The following IFT74 variants were observed in gnomAD, a reference collection of about 807,000 sequenced individuals.
IFT74 encodes intraflagellar transport protein 74 homolog.
In IFT74, 92 loss-of-function variants were observed where a neutral mutation model predicts 96.7. That is an observed-to-expected ratio of 0.95 (90% CI 0.80 to 1.13). The LOEUF (loss-of-function observed/expected upper bound fraction) is 1.13. Among genes scored for constraint, IFT74 ranks in the 50% most tolerant of loss-of-function variants. The probability of loss-of-function intolerance (pLI) is 0.00; values close to 1 mark genes in which losing one functional copy is unlikely to be tolerated. For missense variants in IFT74, 811 were observed against 698.2 expected, an observed-to-expected ratio of 1.16 and a Z score of -1.82; for synonymous variants, 223 against 213.2, an observed-to-expected ratio of 1.05 and a Z score of -0.40.
At chr9:27,036,784 C>A (rs1819221516) in intron 13 of IFT74, 1 of 1,127,934 alleles carries the variant, frequency 8.9e-7, no homozygotes, top group Middle Eastern at 3.3e-4. Flanking sequence ...AAATAAAATT[C>A]TTAGATCTTT....
At chr9:27,034,704 A>G (rs1819088151) in intron 13 of IFT74, among the ~76,000 whole-genome samples, 1 of 152,028 alleles carries the variant, frequency 6.6e-6, no homozygotes, top group Non-Finnish European at 1.5e-5. Flanking sequence ...AATTTTTTGT[A>G]TTTTTAGTAG....
At chr9:27,044,582 T>C (rs1390449226) in intron 13 of IFT74, among the ~76,000 whole-genome samples, 160 bp from the exon 14 acceptor site, 1 of 152,226 alleles carries the variant, frequency 6.6e-6, no homozygotes, top group Non-Finnish European at 1.5e-5. Flanking sequence ...ATATGTCTAC[T>C]TGAAAAGTCT....
chr9:27,018,987 TTTGAGACCAGG>T (rs1320050314), intron 12 of IFT74, among the ~76,000 whole-genome samples: 1 of 152,186 alleles, frequency 6.6e-6, no homozygotes, highest in Non-Finnish European at 1.5e-5. Context: ...TTTTTATCTT[TTTGAGACCAGG>T]TCTCATTCTG....
Position 26,984,553 on chromosome 9 carries a change from C to T in IFT74, c.459C>T (p.Tyr153=), listed in dbSNP as rs752539924. The part of the protein sequence containing the change: ...IKELQGQLAD[Y]NMLVDKLNTN... ...AGCTTCAAGGACAACTAGCAGACTACAACATGGTATTTTATCTTTTCTAAG... is the reference window on the plus strand; with the variant it reads ...AGCTTCAAGGACAACTAGCAGACTATAACATGGTATTTTATCTTTTCTAAG... The change falls in exon 6 of 20, where the codon TAC becomes TAT. Residue 153 remains tyrosine, a synonymous_variant. Coordinates refer to ENST00000380062, the MANE Select transcript of IFT74 (RefSeq NM_025103.4). 2 of 1,608,364 alleles carry T rather than the reference C, an allele frequency of 1.2e-6. No individual in the cohort carries two copies. Among genetic ancestry groups the T allele is most frequent in the Admixed American group, 1.7e-5 (1 of 59,890 alleles).
intron 13 of IFT74, among the ~76,000 whole-genome samples, chr9:27,044,136 A>G (rs748929944): frequency 2.0e-5 from 3 of 152,030 alleles, no homozygotes; most frequent in Non-Finnish European, 2.9e-5. Flanking sequence ...ATGCTACCAT[A>G]TTCATCCTCA....
In IFT74 at chr9:26,995,592, A is replaced by T. The variant is rs1342498933; in HGVS notation, c.587+5397A>T. On this transcript the variant is annotated intron_variant, in intron 8 of 19. Transcript: ENST00000380062. ...ATAAATCCATCATCATCTACCACAA[A>T]TGAATGTAATTGTTCAAATATTACT... 3.1e-6 allele frequency: 5 copies of T among 1,604,172 alleles called. No individual in the cohort carries two copies. In the South Asian group the frequency reaches 5.5e-5, roughly 18 times the overall value.
chr9:27,008,863 A>G (rs905030424), intron 8 of IFT74, among the ~76,000 whole-genome samples, 157 bp from the exon 9 acceptor site: 2 of 152,198 alleles, frequency 1.3e-5, no homozygotes, highest in Non-Finnish European at 2.9e-5. Flanking sequence ...TATAGGTCAA[A>G]TAGCATTTTT....
rs375246441 is a variant in IFT74, at chr9:27,010,485, G to GTT, written c.726+1339_726+1340dup. Among the ~76,000 whole-genome samples, 206 of 128,056 alleles carry GTT rather than the reference G, an allele frequency of 1.6e-3. 1 individual carries two copies. The highest frequency in any genetic ancestry group is 2.4e-3 in the Non-Finnish European group (143 of 60,750). 84.0% of individuals were successfully genotyped at this position (128,056 alleles called of 152,430 possible). On this transcript the variant is annotated intron_variant, in intron 9 of 19. Transcript: ENST00000380062. ...ATCATTCTACTACCCCCTTTTTTTT[G>GTT]TTTTTTTTTTTTTGTTTTTTTTGAG...
chr9:26,975,106 G>A (rs1827052214), intron 2 of IFT74, among the ~76,000 whole-genome samples: 1 of 152,152 alleles, frequency 6.6e-6, no homozygotes, highest in Non-Finnish European at 1.5e-5. Flanking sequence ...ACGTGAGCAG[G>A]GAAAGGATCT....
chr9:27,011,861 C>T (rs757867297), intron 9 of IFT74, 45 bp from the exon 10 acceptor site: 2 of 1,326,466 alleles, frequency 1.5e-6, no homozygotes, highest in Non-Finnish European at 2.0e-6. Context: ...ACAAATTATT[C>T]TTAATGTAAT....
chr9:26,995,922 C>T (rs944474266), intron 8 of IFT74: 1 of 1,019,168 alleles, frequency 9.8e-7, no homozygotes, highest in Non-Finnish European at 1.4e-6. Context: ...AATTATATAT[C>T]CTAATTCTCC....
chr9:26,962,318 AT>A (rs1771469430), intron 2 of IFT74, among the ~76,000 whole-genome samples: 1 of 152,210 alleles, frequency 6.6e-6, no homozygotes, highest in African/African-American at 2.4e-5. Flanking sequence ...TCATAAGCAT[AT>A]TATTAAACAT....
intron 3 of IFT74, among the ~76,000 whole-genome samples, 191 bp from the exon 4 acceptor site, chr9:26,980,380 T>C (rs1827317881): frequency 6.6e-6 from 1 of 152,226 alleles, no homozygotes; most frequent in Non-Finnish European, 1.5e-5. Context: ...GTAGTTTTAA[T>C]TGAAGCTTCC....
chr9:26,989,322 A>T (rs1245829704), intron 7 of IFT74, among the ~76,000 whole-genome samples: 1 of 152,138 alleles, frequency 6.6e-6, no homozygotes, highest in Admixed American at 6.5e-5. Context: ...TATACAATAT[A>T]TCCATGCAAC....
intron 6 of IFT74, among the ~76,000 whole-genome samples, chr9:26,987,226 C>T (rs1827679495): frequency 6.6e-6 from 1 of 151,590 alleles, no homozygotes; most frequent in Admixed American, 6.6e-5. Context: ...CAGGTGCGGT[C>T]CTGAGTAGCT....
chr9:27,036,933 G>T, intron 13 of IFT74: 1 of 648,914 alleles, frequency 1.5e-6, no homozygotes, highest in Non-Finnish European at 1.9e-6. Context: ...TGCTTGCAGA[G>T]ACTGGTCGGG....
chr9:27,020,544 G>T (rs1188192938), intron 12 of IFT74, among the ~76,000 whole-genome samples: 1 of 147,592 alleles, frequency 6.8e-6, no homozygotes, highest in Non-Finnish European at 1.5e-5. Flanking sequence ...GCCCAATCTC[G>T]GCTCACTGCA....
chr9:27,044,433 G>T lies in IFT74; in HGVS notation c.1055-309G>T, dbSNP rs1819604111. 2.6e-5 allele frequency among the ~76,000 whole-genome samples: 4 copies of T among 152,194 alleles called. 1 individual carries two copies. The South Asian group carries it at 8.3e-4, about 32-fold the overall frequency. Reference sequence around the variant, plus strand: ...GTCTTGCTGGTGATCTTTCAAAGATGGAATGGACTTTCTTGGGAACTTATG... The same window carrying T: ...GTCTTGCTGGTGATCTTTCAAAGATTGAATGGACTTTCTTGGGAACTTATG... On this transcript the variant is annotated intron_variant, in intron 13 of 19. Transcript: ENST00000380062.
Position 27,062,653 on chromosome 9 carries a change from C to G in IFT74, c.1720C>G (p.Pro574Ala). ...CAAGAGTCAAGAGAGTGATTACCAG[C>G]CAATTAAGAAAAATGTGACCAAGCA... is the stretch of plus-strand genomic sequence containing the variant. ...ATKSQESDYQ[P>A]IKKNVTKQIA... The change falls in exon 20 of 20, where the codon CCA (proline) becomes GCA (alanine). Residue 574 changes from proline to alanine, a missense_variant. Transcript: ENST00000380062. 1 of 1,608,258 alleles carries G rather than the reference C, an allele frequency of 6.2e-7. No homozygotes were observed. The highest frequency in any genetic ancestry group is 8.5e-7 in the Non-Finnish European group (1 of 1,176,592).
Sources: allele counts gnomAD v4.1 joint callset (sites outside exome capture counted in the v4.1 genomes callset), GRCh38; gene constraint gnomAD v4.1.1; transcripts MANE v1.5; gene names NCBI Gene and HGNC (gene_info 2026-07-23, HGNC 2026-07-21).